Variants in EPG5 observed in about 807,000 individuals in gnomAD.
The protein encoded by EPG5 is ectopic P granules protein 5 homolog.
Under a neutral mutation model 302.7 loss-of-function variants are expected in EPG5, and 159 were observed. The ratio of observed to expected loss-of-function variants is 0.53; its 90% CI spans 0.46 to 0.60. The LOEUF (loss-of-function observed/expected upper bound fraction) is 0.60. EPG5 is among the 20% of genes least tolerant of loss of function. The pLI is 0.00. For missense variants in EPG5, 2,896 were observed against 3,092.4 expected, an observed-to-expected ratio of 0.94 and a Z score of 1.51; for synonymous variants, 1,158 against 1,136.8, an observed-to-expected ratio of 1.02 and a Z score of -0.37.
At chr18:45,924,783 A>AG (rs2050234588) in intron 14 of EPG5, among the ~76,000 whole-genome samples, 1 of 152,184 alleles carries the variant, frequency 6.6e-6, no homozygotes, top group South Asian at 2.1e-4. Context: ...CTCTATGCGC[A>AG]GTGGCACGCG....
At chr18:45,888,280 A>G (rs1052037129) in intron 28 of EPG5, among the ~76,000 whole-genome samples, 35 of 149,212 alleles carry the variant, frequency 2.3e-4, no homozygotes, top group South Asian at 2.1e-4. Context: ...TAATTTTTGT[A>G]TTTTTCTTTT....
At chr18:45,804,398 G>T in the EPG5 span, among the ~76,000 whole-genome samples, 21 of 151,998 alleles carry the variant, frequency 1.4e-4, no homozygotes, top group Non-Finnish European at 2.2e-4. Flanking sequence ...CCCAAATTTG[G>T]CAAAAGACAT....
the EPG5 span, among the ~76,000 whole-genome samples, chr18:45,809,784 C>G: frequency 2.6e-5 from 4 of 152,028 alleles, no homozygotes; most frequent in African/African-American, 9.7e-5. Context: ...AGAGCACAAA[C>G]AGATAATCTA....
At chr18:45,813,974 A>C in the EPG5 span, among the ~76,000 whole-genome samples, 2 of 152,286 alleles carry the variant, frequency 1.3e-5, no homozygotes, top group African/African-American at 4.8e-5. Context: ...AAAAAAAATC[A>C]TCAATATATG....
rs535730878 is a variant in EPG5 at position 45,917,778 on chromosome 18, A to G, written c.3140T>C (p.Ile1047Thr). ...TCTCAAATGTCTTGACTGGACCAGAATTCCCAATAGTGGGATGCCTTCTGC... is the reference window on the plus strand; with the variant it reads ...TCTCAAATGTCTTGACTGGACCAGAGTTCCCAATAGTGGGATGCCTTCTGC... ...FCAEGIPLLG[I>T]LVQSRHLRTV... Residue 1047 changes from isoleucine to threonine, a missense_variant, in exon 17 of 44, where the codon ATT (isoleucine) becomes ACT (threonine). Coordinates refer to ENST00000282041, the MANE Select transcript of EPG5 (RefSeq NM_020964.3). The G allele has an allele frequency of 2.5e-6, 4 of 1,614,174 alleles. No individual in the cohort carries two copies. In the South Asian group the frequency reaches 4.4e-5, roughly 18 times the overall value.
At chr18:45,865,897 C>T in intron 38 of EPG5, 138 bp from the exon 39 acceptor site, 3 of 1,002,436 alleles carry the variant, frequency 3.0e-6, no homozygotes, top group Middle Eastern at 6.5e-4. Flanking sequence ...CACATGAAGA[C>T]TTAGTCCCAC....
chr18:45,932,015 C>T (rs1356326887), intron 11 of EPG5, among the ~76,000 whole-genome samples: 4 of 151,842 alleles, frequency 2.6e-5, no homozygotes, highest in Admixed American at 6.6e-5. Context: ...GGGACATTTA[C>T]CAAACCAATT....
the EPG5 span, chr18:45,837,978 GCGCTGTGCTGAGCCAGGAAGGGCAA>G: frequency 7.2e-7 from 1 of 1,389,800 alleles, no homozygotes; most frequent in Non-Finnish European, 9.3e-7. Flanking sequence ...TGGGTGCCAG[GCGCTGTGCTGAGCCAGGAAGGGCAA>G]CGAGACCCAG....
In EPG5 at chr18:45,939,476, A is replaced by G; in HGVS notation, c.2099+124T>C. ...ACCAAGGCCCAAGAATTTGCCCTCA[A>G]TAAGAAATAGATGAAATACACTAAG... On this transcript the variant is annotated intron_variant, in intron 10 of 43. Coordinates refer to ENST00000282041, the MANE Select transcript of EPG5 (RefSeq NM_020964.3). 4.1e-6 allele frequency: 4 copies of G among 972,210 alleles called. No homozygotes were observed. In the South Asian group the frequency reaches 5.4e-5, roughly 13 times the overall value. The allele number at this position is 972,210 out of a possible 1,614,324, so 60.2% of individuals were successfully genotyped here.
chr18:45,889,980 TGTG>T, intron 27 of EPG5, 40 bp from the exon 28 acceptor site: 1 of 1,511,550 alleles, frequency 6.6e-7, no homozygotes, highest in Non-Finnish European at 8.9e-7. Context: ...TTTCCCCCCA[TGTG>T]TCAGGTTTCC....
intron 23 of EPG5, among the ~76,000 whole-genome samples, chr18:45,908,660 A>G (rs1347732715): frequency 6.6e-6 from 1 of 152,172 alleles, no homozygotes; most frequent in Non-Finnish European, 1.5e-5. Context: ...TTAAAAAAAT[A>G]AAAGTTCTGG....
At chr18:45,844,081 A>AT (rs931406272), downstream of EPG5, 5 of 145,866 alleles carry the variant, frequency 3.4e-5, no homozygotes, top group African/African-American at 1.1e-4. Flanking sequence ...ATATTCAGCC[A>AT]TAAAAAAAAA....
the EPG5 span, among the ~76,000 whole-genome samples, chr18:45,818,892 C>T: frequency 6.6e-6 from 1 of 151,952 alleles, no homozygotes; most frequent in South Asian, 2.1e-4. Flanking sequence ...CTGCACCACA[C>T]CCAGCTAATT....
At chr18:45,908,906 G>A (rs933619236) in intron 23 of EPG5, among the ~76,000 whole-genome samples, 1 of 151,084 alleles carries the variant, frequency 6.6e-6, no homozygotes, top group Non-Finnish European at 1.5e-5. Flanking sequence ...CCAAGATTGT[G>A]CCACTGCACT....
At chr18:45,803,353 G>C in the EPG5 span, among the ~76,000 whole-genome samples, 1 of 152,148 alleles carries the variant, frequency 6.6e-6, no homozygotes, top group African/African-American at 2.4e-5. Flanking sequence ...GGGGTTGGGA[G>C]AGGACAAAAT....
chr18:45,806,559 C>A, the EPG5 span, among the ~76,000 whole-genome samples: 1 of 152,098 alleles, frequency 6.6e-6, no homozygotes, highest in Non-Finnish European at 1.5e-5. Flanking sequence ...TGCCCCTGAA[C>A]ACACCTCCCC....
At chr18:45,920,775 G>A (rs775555938) in intron 16 of EPG5, among the ~76,000 whole-genome samples, 2 of 152,160 alleles carry the variant, frequency 1.3e-5, no homozygotes, top group Non-Finnish European at 2.9e-5. Context: ...CTCCAACACT[G>A]GGGATCAAAT....
chr18:45,830,890 G>A, the EPG5 span, among the ~76,000 whole-genome samples: 15 of 152,066 alleles, frequency 9.9e-5, no homozygotes, highest in East Asian at 7.8e-4. Context: ...GAGCCACCGC[G>A]CTTGGCCAGC....
At chr18:45,921,425 T>G (rs1003259430) in intron 16 of EPG5, among the ~76,000 whole-genome samples, 1 of 152,202 alleles carries the variant, frequency 6.6e-6, no homozygotes, top group African/African-American at 2.4e-5. Flanking sequence ...AAGAGAAGGA[T>G]GTTTAATCAA....
Sources: allele counts gnomAD v4.1 joint callset (sites outside exome capture counted in the v4.1 genomes callset), GRCh38; gene constraint gnomAD v4.1.1; transcripts MANE v1.5; gene names NCBI Gene and HGNC (gene_info 2026-07-23, HGNC 2026-07-21).